Variants in BTRC observed in about 807,000 individuals in gnomAD.
BTRC encodes the protein F-box/WD repeat-containing protein 1A.
In BTRC, 42 loss-of-function variants were observed where a neutral mutation model predicts 85.5. The ratio of observed to expected loss-of-function variants is 0.49; its 90% confidence interval spans 0.38 to 0.64. The LOEUF (loss-of-function observed/expected upper bound fraction) is 0.64. Ranked by LOEUF, BTRC falls within the 30% of genes least tolerant of loss-of-function variation. BTRC has a pLI of 0.00. For missense variants in BTRC, 594 were observed against 743.5 expected, an observed-to-expected ratio of 0.80 and a Z score of 2.34; for synonymous variants, 255 against 263.3, an observed-to-expected ratio of 0.97 and a Z score of 0.30.
intron 13 of BTRC, among the ~76,000 whole-genome samples, chr10:101,540,550 A>AGTCCTT (rs2134443368): frequency 1.3e-5 from 2 of 152,334 alleles, no homozygotes; most frequent in South Asian, 4.1e-4. Context: ...AAGTAATGTG[A>AGTCCTT]GTCCTTCAGC....
chr10:101,538,361 G>C lies in BTRC; in HGVS notation c.1646G>C (p.Arg549Pro), dbSNP rs202032732. ...PRAPAGTLCLRTLVEHSGRVF... is the reference protein window; with the variant it reads ...PRAPAGTLCLPTLVEHSGRVF... ...GCTCCTGCAGGGACACTCTGTCTAC[G>C]GACCCTTGTGGTAAGAGCCTTGCTG... The change falls in exon 13 of 15, where the codon CGG becomes CCG. Residue 549 changes from arginine (R) to proline (P), a missense_variant. By Grantham distance (103) the Arg-to-Pro change is moderately radical (BLOSUM62 -2). Around this residue, in one of 4 missense-constraint regions of BTRC, gnomAD observed 373 missense variants for 503.6 expected, o/e 0.74. Transcript: ENST00000370187. 18 of 1,613,264 alleles carry C rather than the reference G, an allele frequency of 1.1e-5. No homozygotes were observed. The East Asian group carries it at 2.5e-4, about 22-fold the overall frequency.
chr10:101,516,680 CTG>C, intron 4 of BTRC, among the ~76,000 whole-genome samples: 1 of 152,216 alleles, frequency 6.6e-6, no homozygotes, highest in Non-Finnish European at 1.5e-5. Flanking sequence ...TCTTTAGCTT[CTG>C]CAGTAGGATA....
intron 1 of BTRC, among the ~76,000 whole-genome samples, chr10:101,415,935 C>T (rs1000140796): frequency 6.6e-6 from 1 of 152,150 alleles, no homozygotes; most frequent in African/African-American, 2.4e-5. Flanking sequence ...GTATTCGGTA[C>T]AGTAACATGC....
Position 101,389,117 on chromosome 10 carries a change from GTGTTTTTTTTT to G in BTRC, c.48+34891_48+34901del, listed in dbSNP as rs1943165067. Among the ~76,000 whole-genome samples the G allele has an allele frequency of 3.8e-4, 20 of 53,052 alleles. 1 individual carries two copies. The South Asian group carries it at 0.012, about 33-fold the overall frequency. The allele number at this position is 53,052 out of a possible 152,430, so 34.8% of individuals were successfully genotyped here. The stretch of plus-strand genomic sequence containing the variant: ...GTTGCATAATTGTGATTTTTTGTGT[GTGTTTTTTTTT>G]TTTTTTTTTTTTTTTTTTTTGCTGA... On this transcript the variant is annotated intron_variant, in intron 1 of 14. Transcript: ENST00000370187.
chr10:101,523,734 C>T (rs190291271), intron 5 of BTRC, among the ~76,000 whole-genome samples: 1 of 152,054 alleles, frequency 6.6e-6, no homozygotes, highest in African/African-American at 2.4e-5. Context: ...ACCATTTTTT[C>T]TTAATACATT....
At chr10:101,366,704 T>G (rs1942385176) in intron 1 of BTRC, among the ~76,000 whole-genome samples, 1 of 141,370 alleles carries the variant, frequency 7.1e-6, no homozygotes, top group Non-Finnish European at 1.5e-5. Context: ...ATAGATATAA[T>G]TTGAGTATAG....
chr10:101,438,431 A>AT (rs1331584119), intron 2 of BTRC, among the ~76,000 whole-genome samples: 24 of 148,400 alleles, frequency 1.6e-4, no homozygotes, highest in Admixed American at 1.1e-3. Flanking sequence ...TCAAAAAAAA[A>AT]AAAAAAAAAA....
intron 4 of BTRC, among the ~76,000 whole-genome samples, chr10:101,515,533 A>G (rs892395878): frequency 6.9e-6 from 1 of 145,592 alleles, no homozygotes; most frequent in Non-Finnish European, 1.5e-5. Context: ...TTTTTTTGAG[A>G]TGGAGTCTAG....
chr10:101,365,393 G>C (rs906065395), intron 1 of BTRC, among the ~76,000 whole-genome samples: 15 of 145,978 alleles, frequency 1.0e-4, no homozygotes, highest in African/African-American at 2.8e-4. Context: ...TTAATTTTTT[G>C]AGACAGTCTC....
chr10:101,404,153 C>T (rs900270953), intron 1 of BTRC, among the ~76,000 whole-genome samples: 4 of 149,940 alleles, frequency 2.7e-5, no homozygotes, highest in African/African-American at 9.8e-5. Context: ...GCCTCAGCCT[C>T]TCGAGTAGCT....
At chr10:101,455,496 GT>G (rs1294220800) in intron 2 of BTRC, among the ~76,000 whole-genome samples, 1 of 152,092 alleles carries the variant, frequency 6.6e-6, no homozygotes, top group Non-Finnish European at 1.5e-5. Flanking sequence ...TGGAAGTGAA[GT>G]TTTTCTTCGG....
intron 3 of BTRC, among the ~76,000 whole-genome samples, chr10:101,475,516 G>A (rs1945654252): frequency 1.3e-5 from 2 of 152,080 alleles, no homozygotes; most frequent in South Asian, 4.1e-4. Flanking sequence ...CTCCAGCCTG[G>A]GAGACAGAGT....
intron 4 of BTRC, among the ~76,000 whole-genome samples, chr10:101,501,382 A>G (rs1424352801): frequency 6.6e-6 from 1 of 152,220 alleles, no homozygotes. Flanking sequence ...CATGTTACAC[A>G]TGAACTCCCA....
intron 1 of BTRC, among the ~76,000 whole-genome samples, chr10:101,369,355 A>G (rs1942568319): frequency 6.6e-6 from 1 of 152,016 alleles, no homozygotes; most frequent in Non-Finnish European, 1.5e-5. Flanking sequence ...AAGTGCTGAG[A>G]GGCATGAGCC....
intron 1 of BTRC, among the ~76,000 whole-genome samples, chr10:101,387,852 G>A (rs1943125974): frequency 6.6e-6 from 1 of 151,898 alleles, no homozygotes; most frequent in Non-Finnish European, 1.5e-5. Context: ...ACCATGCCCA[G>A]CTAATTTTTG....
chr10:101,546,774 T>G (rs2062564464), intron 13 of BTRC, among the ~76,000 whole-genome samples: 1 of 152,186 alleles, frequency 6.6e-6, no homozygotes, highest in Non-Finnish European at 1.5e-5. Flanking sequence ...ATCAATAAAA[T>G]GGATGAGTCT....
intron 2 of BTRC, among the ~76,000 whole-genome samples, chr10:101,452,392 C>T (rs1349551719): frequency 6.6e-6 from 1 of 152,232 alleles, no homozygotes; most frequent in Non-Finnish European, 1.5e-5. Flanking sequence ...CCAACCTATC[C>T]ATCTGCCAAC....
At chr10:101,451,261 A>T (rs951669437) in intron 2 of BTRC, among the ~76,000 whole-genome samples, 1 of 152,192 alleles carries the variant, frequency 6.6e-6, no homozygotes, top group African/African-American at 2.4e-5. Context: ...TCTCCTTTTA[A>T]TAGTGGTAGA....
intron 1 of BTRC, 42 bp downstream of exon 1, chr10:101,354,270 C>T: frequency 2.6e-6 from 4 of 1,545,724 alleles, no homozygotes; most frequent in South Asian, 1.2e-5. Flanking sequence ...GAGGCGCTGG[C>T]GTTGGCGGCG....
Sources: allele counts gnomAD v4.1 joint callset (sites outside exome capture counted in the v4.1 genomes callset), GRCh38; gene constraint gnomAD v4.1.1; regional missense constraint gnomAD v4.1.1; transcripts MANE v1.5; gene names NCBI Gene and HGNC (gene_info 2026-07-23, HGNC 2026-07-21).